TNR: variants seen among roughly 807,000 people sequenced by gnomAD.
TNR encodes tenascin R, also known as tenascin-R.
In TNR, 45 loss-of-function variants were observed where a neutral mutation model predicts 150.4. The ratio of observed to expected loss-of-function variants is 0.30; its 90% CI spans 0.24 to 0.38. The LOEUF (loss-of-function observed/expected upper bound fraction) is 0.38, where lower values mean the gene tolerates loss of function less well. Ranked by LOEUF, TNR falls within the 10% of genes least tolerant of loss-of-function variation. The probability of loss-of-function intolerance (pLI) is 1.00; values close to 1 mark genes in which losing one functional copy is unlikely to be tolerated. For synonymous variants in TNR, 687 were observed against 678.4 expected (o/e 1.01, Z -0.20); for missense variants, 1,544 against 1,759.1 (o/e 0.88, Z 2.19).
intron 2 of TNR, among the ~76,000 whole-genome samples, chr1:175,477,291 T>C (rs1224786093): frequency 3.9e-5 from 6 of 152,240 alleles, no homozygotes; most frequent in Non-Finnish European, 8.8e-5. Flanking sequence ...GCCATTTTCA[T>C]ATGTTCCACA....
At chr1:175,674,175 G>A (rs1055350406) in intron 1 of TNR, among the ~76,000 whole-genome samples, 7 of 152,204 alleles carry the variant, frequency 4.6e-5, no homozygotes, top group Non-Finnish European at 8.8e-5. Context: ...GAGATGCAAA[G>A]GGAGGAGTCC....
intron 18 of TNR, among the ~76,000 whole-genome samples, chr1:175,351,584 T>C (rs1323751308): frequency 6.6e-6 from 1 of 152,230 alleles, no homozygotes; most frequent in African/African-American, 2.4e-5. Context: ...AACCAGTGTC[T>C]ATTATGTCTG....
intron 21 of TNR, among the ~76,000 whole-genome samples, chr1:175,327,234 G>A (rs1649452343): frequency 6.6e-6 from 1 of 152,068 alleles, no homozygotes; most frequent in Non-Finnish European, 1.5e-5. Context: ...TGCTCCCAGT[G>A]TTGGTCTTTA....
intron 1 of TNR, among the ~76,000 whole-genome samples, chr1:175,646,437 A>G (rs540191351): frequency 2.3e-4 from 35 of 152,180 alleles, no homozygotes; most frequent in Non-Finnish European, 4.6e-4. Flanking sequence ...TTACTTTCCC[A>G]ATGGAAAAGC....
chr1:175,614,112 G>GT (rs1350557693), intron 1 of TNR, among the ~76,000 whole-genome samples: 3 of 152,168 alleles, frequency 2.0e-5, no homozygotes, highest in Non-Finnish European at 4.4e-5. Context: ...TGTTCAACAA[G>GT]TTTTAGCTAT....
intron 1 of TNR, among the ~76,000 whole-genome samples, chr1:175,740,842 A>T (rs996153467): frequency 1.3e-5 from 2 of 152,196 alleles, no homozygotes; most frequent in African/African-American, 4.8e-5. Context: ...TAGAGAGAAC[A>T]GTCACCAAAC....
intron 2 of TNR, among the ~76,000 whole-genome samples, chr1:175,475,359 C>A (rs1164122110): frequency 6.6e-6 from 1 of 152,192 alleles, no homozygotes; most frequent in Non-Finnish European, 1.5e-5. Flanking sequence ...GGAAGCATGG[C>A]AGTGTTGGTG....
intron 7 of TNR, among the ~76,000 whole-genome samples, chr1:175,387,695 T>C (rs1340891385): frequency 6.6e-6 from 1 of 152,248 alleles, no homozygotes; most frequent in Non-Finnish European, 1.5e-5. Context: ...TAAGTCTCTC[T>C]TCCTTGTTAC....
chr1:175,535,363 A>C (rs1001066661), intron 1 of TNR, among the ~76,000 whole-genome samples: 6 of 152,346 alleles, frequency 3.9e-5, no homozygotes, highest in East Asian at 1.9e-4. Context: ...CCAAATGTTA[A>C]CAGTGGCTCT....
chr1:175,486,693 T>A (rs1423052561), intron 2 of TNR, among the ~76,000 whole-genome samples: 6 of 152,208 alleles, frequency 3.9e-5, no homozygotes, highest in African/African-American at 1.4e-4. Flanking sequence ...CTTGAGGAAT[T>A]GCCACACTGT....
At chr1:175,363,634 T>G in intron 13 of TNR, 74 bp downstream of exon 13, 2 of 1,543,170 alleles carry the variant, frequency 1.3e-6, no homozygotes, top group Non-Finnish European at 1.8e-6. Flanking sequence ...GTGGATGTTC[T>G]GCGGGATATG....
intron 2 of TNR, among the ~76,000 whole-genome samples, chr1:175,430,094 T>C (rs1438502927): frequency 2.7e-5 from 4 of 150,878 alleles, no homozygotes; most frequent in Non-Finnish European, 5.9e-5. Flanking sequence ...ATATAGATAA[T>C]GATATTATAT....
At chr1:175,742,243 A>AG (rs1667951025) in intron 1 of TNR, among the ~76,000 whole-genome samples, 1 of 152,196 alleles carries the variant, frequency 6.6e-6, no homozygotes, top group African/African-American at 2.4e-5. Flanking sequence ...AGTAATAATG[A>AG]GCTCCTGTTT....
intron 1 of TNR, among the ~76,000 whole-genome samples, chr1:175,707,572 T>C (rs1203828462): frequency 6.6e-6 from 1 of 152,204 alleles, no homozygotes; most frequent in Non-Finnish European, 1.5e-5. Flanking sequence ...GGTACAGAAT[T>C]GGAACTCATC....
At chr1:175,443,695 G>A (rs1005085244) in intron 2 of TNR, among the ~76,000 whole-genome samples, 6 of 152,130 alleles carry the variant, frequency 3.9e-5, no homozygotes, top group African/African-American at 1.4e-4. Flanking sequence ...GAAAGAGGGA[G>A]AATAGAGAGA....
chr1:175,458,440 T>C (rs532058808), intron 2 of TNR, among the ~76,000 whole-genome samples: 19 of 152,280 alleles, frequency 1.2e-4, no homozygotes, highest in East Asian at 1.2e-3. Context: ...GTCAAACATA[T>C]ACACAAGCTA....
chr1:175,699,659 G>T (rs1466737320), intron 1 of TNR, among the ~76,000 whole-genome samples: 1 of 152,120 alleles, frequency 6.6e-6, no homozygotes, highest in African/African-American at 2.4e-5. Flanking sequence ...TGTTGGAGTG[G>T]GGATACAGAG....
At chr1:175,715,097 C>T (rs774020195) in intron 1 of TNR, among the ~76,000 whole-genome samples, 60 of 152,214 alleles carry the variant, frequency 3.9e-4, no homozygotes, top group Non-Finnish European at 6.8e-4. Flanking sequence ...CATAAAAGCT[C>T]AAGCCCCAGC....
intron 2 of TNR, among the ~76,000 whole-genome samples, chr1:175,415,212 C>G (rs568732732): frequency 3.3e-5 from 5 of 150,038 alleles, no homozygotes; most frequent in Non-Finnish European, 7.4e-5. Flanking sequence ...GATGCTCTGT[C>G]ACTTGGAGAA....
Sources: allele counts gnomAD v4.1 joint callset (sites outside exome capture counted in the v4.1 genomes callset), GRCh38; gene constraint gnomAD v4.1.1; transcripts MANE v1.5; gene names NCBI Gene and HGNC (gene_info 2026-07-23, HGNC 2026-07-21).